Variants in GALNT18 observed in about 807,000 individuals in gnomAD.
GALNT18 encodes GalNAc-transferase 18.
Under a neutral mutation model 69.5 loss-of-function variants are expected in GALNT18, and 44 were observed. The observed-to-expected ratio is 0.63, with a 90% confidence interval of 0.50 to 0.81. The LOEUF (loss-of-function observed/expected upper bound fraction) is 0.81, where lower values mean the gene tolerates loss of function less well. Ranked by LOEUF, GALNT18 falls within the 40% of genes least tolerant of loss-of-function variation. The pLI, the probability that GALNT18 is intolerant of heterozygous loss-of-function variation, is 0.00. For synonymous variants in GALNT18, 364 were observed against 318.2 expected, an observed-to-expected ratio of 1.14 and a Z score of -1.53; for missense variants, 715 against 810.0, an observed-to-expected ratio of 0.88 and a Z score of 1.42.
At chr11:11,282,098 A>C (rs777564048) in intron 10 of GALNT18, among the ~76,000 whole-genome samples, 4 of 152,154 alleles carry the variant, frequency 2.6e-5, no homozygotes, top group Non-Finnish European at 5.9e-5. Flanking sequence ...TAAACTTTTA[A>C]AACAGAGATA....
At chr11:11,390,740 C>G (rs550494645) in intron 3 of GALNT18, among the ~76,000 whole-genome samples, 5 of 152,298 alleles carry the variant, frequency 3.3e-5, no homozygotes, top group Admixed American at 2.6e-4. Context: ...CATGAAGGAC[C>G]AGTGAAAAAG....
chr11:11,318,833 C>A lies in GALNT18; in HGVS notation c.1512+8253G>T, dbSNP rs2129527. Among the ~76,000 whole-genome samples the A allele has an allele frequency of 0.033, 4,967 of 152,220 alleles. 221 individuals are homozygous for A. Among genetic ancestry groups the A allele is most frequent in the African/African-American group, 0.11 (4,405 of 41,530 alleles). ...ATCCTGGGACATTAACGGGCCCATCCAAGAGTATGTAATTTTCCAAGAGAA... is the reference window on the plus strand; with the variant it reads ...ATCCTGGGACATTAACGGGCCCATCAAAGAGTATGTAATTTTCCAAGAGAA... On this transcript the variant is annotated intron_variant, in intron 9 of 10. Transcript: ENST00000227756. This position sits in a 1 kb window ranked among gnomAD's most constrained non-coding sequence, Gnocchi z 5.1.
chr11:11,526,406 TG>T (rs1371712138), intron 1 of GALNT18, among the ~76,000 whole-genome samples: 2 of 152,244 alleles, frequency 1.3e-5, no homozygotes, highest in Non-Finnish European at 2.9e-5. Context: ...AATGCAGCGC[TG>T]GTCCCTTTCT....
intron 1 of GALNT18, among the ~76,000 whole-genome samples, chr11:11,474,893 G>T (rs1856355421): frequency 6.6e-6 from 1 of 152,192 alleles, no homozygotes; most frequent in South Asian, 2.1e-4. Context: ...AGACAGTGTT[G>T]ACTCCACAGC....
chr11:11,418,663 C>A (rs1363127881), intron 3 of GALNT18, among the ~76,000 whole-genome samples: 2 of 152,198 alleles, frequency 1.3e-5, no homozygotes, highest in Non-Finnish European at 2.9e-5. Flanking sequence ...CGGCTGCCAG[C>A]TCGCTGGGGA....
At chr11:11,313,254 C>T (rs1488512801) in intron 9 of GALNT18, among the ~76,000 whole-genome samples, 1 of 152,144 alleles carries the variant, frequency 6.6e-6, no homozygotes, top group African/African-American at 2.4e-5. Context: ...CATGTGCAGA[C>T]AGCCCTCACA....
rs1305854473 is a variant in GALNT18, at chr11:11,564,473, A to T, written c.235+56886T>A. ...GAGACCCCCCTGGGTCTTCTCATCCATGCCTCCCTTCTTTTCTTCCCCACG... is the reference window on the plus strand; with the variant it reads ...GAGACCCCCCTGGGTCTTCTCATCCTTGCCTCCCTTCTTTTCTTCCCCACG... On this transcript the variant is annotated intron_variant, in intron 1 of 10. Coordinates refer to ENST00000227756, the MANE Select transcript of GALNT18 (RefSeq NM_198516.3). This position sits in a 1 kb window ranked among gnomAD's most constrained non-coding sequence, Gnocchi z 4.3. 6.6e-6 allele frequency among the ~76,000 whole-genome samples: 1 copy of T among 152,034 alleles called. No homozygotes were observed. The highest frequency in any genetic ancestry group is 6.5e-5 in the Admixed American group (1 of 15,270).
At chr11:11,481,253 C>T (rs1590040814) in intron 1 of GALNT18, among the ~76,000 whole-genome samples, 1 of 148,284 alleles carries the variant, frequency 6.7e-6, no homozygotes, top group East Asian at 2.0e-4. Context: ...CTACCCCTTG[C>T]CCTGGCTACA....
intron 3 of GALNT18, among the ~76,000 whole-genome samples, chr11:11,401,506 G>A (rs1031931374): frequency 2.0e-5 from 3 of 152,140 alleles, no homozygotes; most frequent in South Asian, 2.1e-4. Flanking sequence ...CTCCTGTAAC[G>A]CATGCAGATG....
chr11:11,508,015 G>T (rs965803969), intron 1 of GALNT18, among the ~76,000 whole-genome samples: 4 of 152,240 alleles, frequency 2.6e-5, no homozygotes, highest in African/African-American at 9.6e-5. Flanking sequence ...CGGCATTATT[G>T]TATATTACCA....
At position 11,601,530 on chromosome 11, in the gene GALNT18, C is replaced by T. The variant is rs963420296; in HGVS notation, c.235+19829G>A. ...ATTGGTTTCACCTCCAGCTGTTAGC[C>T]TCCACTAGTTGCTACCTGATTGCTC... On this transcript the variant is annotated intron_variant, in intron 1 of 10. Coordinates refer to ENST00000227756, the MANE Select transcript of GALNT18 (RefSeq NM_198516.3). The surrounding 1 kb of genome is among the most constrained non-coding windows in gnomAD (Gnocchi z 4.0). Among the ~76,000 whole-genome samples, 1 of 152,196 alleles carries T rather than the reference C, an allele frequency of 6.6e-6. No homozygotes were observed. The highest frequency in any genetic ancestry group is 2.4e-5 in the African/African-American group (1 of 41,454).
intron 2 of GALNT18, among the ~76,000 whole-genome samples, chr11:11,438,123 C>A (rs1198040474): frequency 6.6e-6 from 1 of 152,240 alleles, no homozygotes; most frequent in Non-Finnish European, 1.5e-5. Flanking sequence ...CATGGCCTCA[C>A]TCCAGCCTCT....
intron 2 of GALNT18, among the ~76,000 whole-genome samples, chr11:11,441,035 C>T (rs1174919855): frequency 6.6e-6 from 1 of 152,212 alleles, no homozygotes; most frequent in Admixed American, 6.5e-5. Context: ...TACCGAATTT[C>T]TCTTCTGGGT....
intron 3 of GALNT18, among the ~76,000 whole-genome samples, chr11:11,379,675 C>T (rs1454630939): frequency 6.6e-6 from 1 of 152,212 alleles, no homozygotes; most frequent in Non-Finnish European, 1.5e-5. Context: ...CTACCTCCTT[C>T]CTATTGGTCT....
chr11:11,342,376 T>C lies in GALNT18; in HGVS notation c.1093-1372A>G, dbSNP rs535574499. 9.8e-5 allele frequency among the ~76,000 whole-genome samples: 15 copies of C among 152,352 alleles called. No homozygotes were observed. In the South Asian group the frequency reaches 2.5e-3, roughly 25 times the overall value. On this transcript the variant is annotated intron_variant, in intron 6 of 10. Coordinates refer to ENST00000227756, the MANE Select transcript of GALNT18 (RefSeq NM_198516.3). Reference sequence around the variant, plus strand: ...TGGACAGTAGATATTACTTGCCAGATACTGTCAACATCACCATGAACTTGG... The same window carrying C: ...TGGACAGTAGATATTACTTGCCAGACACTGTCAACATCACCATGAACTTGG...
intron 1 of GALNT18, among the ~76,000 whole-genome samples, chr11:11,572,296 G>C (rs1858810941): frequency 6.6e-6 from 1 of 152,106 alleles, no homozygotes; most frequent in African/African-American, 2.4e-5. Context: ...TTGCTCCTTG[G>C]GTGGCTTTCA....
chr11:11,612,038 C>T (rs965835824), intron 1 of GALNT18, among the ~76,000 whole-genome samples: 10 of 152,132 alleles, frequency 6.6e-5, no homozygotes, highest in South Asian at 4.1e-4. Flanking sequence ...TTCCTCTCTA[C>T]GAGAAACATT....
intron 2 of GALNT18, among the ~76,000 whole-genome samples, chr11:11,440,538 C>T (rs971361729): frequency 6.6e-6 from 1 of 152,228 alleles, no homozygotes; most frequent in African/African-American, 2.4e-5. Context: ...TGCTCTCTAG[C>T]AAAGCCTGGC....
At chr11:11,448,215 C>T (rs910700758) in intron 2 of GALNT18, among the ~76,000 whole-genome samples, 3 of 152,022 alleles carry the variant, frequency 2.0e-5, no homozygotes, top group Admixed American at 2.0e-4. Context: ...GGGGGGAGCT[C>T]ACAAAAATTA....
Sources: allele counts gnomAD v4.1 joint callset (sites outside exome capture counted in the v4.1 genomes callset), GRCh38; gene constraint gnomAD v4.1.1; non-coding constraint Gnocchi (gnomAD v3.1); transcripts MANE v1.5; gene names NCBI Gene and HGNC (gene_info 2026-07-23, HGNC 2026-07-21).